The following ADAMTS16 variants were observed in gnomAD, a reference collection of about 807,000 sequenced individuals.
The protein encoded by ADAMTS16 is ADAM metallopeptidase with thrombospondin type 1 motif 16.
In ADAMTS16, 94 loss-of-function variants were observed where a neutral mutation model predicts 145.8. The observed-to-expected ratio is 0.64, with a 90% CI of 0.55 to 0.77. The LOEUF is 0.77. Ranked by LOEUF, ADAMTS16 falls within the 30% of genes least tolerant of loss-of-function variation. The pLI, the probability that ADAMTS16 is intolerant of heterozygous loss-of-function variation, is 0.00. For synonymous variants in ADAMTS16, 659 were observed against 604.3 expected, an observed-to-expected ratio of 1.09 and a Z score of -1.33; for missense variants, 1,585 against 1,591.5, an observed-to-expected ratio of 1.00 and a Z score of 0.07.
chr5:5,182,448 C>T, intron 4 of ADAMTS16, 143 bp downstream of exon 4: 1 of 1,065,784 alleles, frequency 9.4e-7, no homozygotes, highest in South Asian at 1.7e-5. Flanking sequence ...GCAATGATTC[C>T]AGAGAGAGTC....
intron 18 of ADAMTS16, among the ~76,000 whole-genome samples, chr5:5,293,117 G>T (rs999776570): frequency 5.3e-5 from 8 of 152,236 alleles, no homozygotes; most frequent in Non-Finnish European, 8.8e-5. Flanking sequence ...CCTGGGTGCA[G>T]GTGTCAGGAA....
chr5:5,159,317 G>C (rs759822828), intron 3 of ADAMTS16, among the ~76,000 whole-genome samples: 4 of 152,212 alleles, frequency 2.6e-5, no homozygotes. Context: ...GACAGGTCTT[G>C]ATCAAGTGTG....
At chr5:5,206,512 C>T (rs949950461) in intron 9 of ADAMTS16, among the ~76,000 whole-genome samples, 4 of 148,952 alleles carry the variant, frequency 2.7e-5, no homozygotes, top group Non-Finnish European at 5.9e-5. Context: ...TGGAGTCTCA[C>T]TCTGTTACCC....
chr5:5,193,007 A>T (rs1735705319), intron 8 of ADAMTS16, among the ~76,000 whole-genome samples: 1 of 152,054 alleles, frequency 6.6e-6, no homozygotes, highest in South Asian at 2.1e-4. Flanking sequence ...ATAAGTTTTT[A>T]TTTTTTTTAA....
chr5:5,293,556 C>G (rs1739412641), intron 18 of ADAMTS16, among the ~76,000 whole-genome samples: 1 of 152,182 alleles, frequency 6.6e-6, no homozygotes, highest in South Asian at 2.1e-4. Flanking sequence ...GCGGGCAGGT[C>G]TGTCCTGGAG....
At chr5:5,234,888 A>AAAAAAAAAAAAAAAAG (rs33928110) in intron 12 of ADAMTS16, 126 bp from the exon 13 acceptor site, 1 of 352,982 alleles carries the variant, frequency 2.8e-6, no homozygotes. Flanking sequence ...AAAAAAAAAA[A>AAAAAAAAAAAAAAAAG]GAATCCACTT....
intron 11 of ADAMTS16, among the ~76,000 whole-genome samples, chr5:5,224,522 C>G (rs935148110): frequency 6.6e-6 from 1 of 152,162 alleles, no homozygotes; most frequent in Non-Finnish European, 1.5e-5. Flanking sequence ...ACCCCTTGAC[C>G]TCGTGATCCA....
chr5:5,168,649 T>TA (rs1168762421), intron 3 of ADAMTS16, among the ~76,000 whole-genome samples: 1 of 103,026 alleles, frequency 9.7e-6, no homozygotes, highest in East Asian at 2.1e-4. Flanking sequence ...TATAATTATA[T>TA]TTATATATTA....
chr5:5,157,874 C>G (rs1272384699), intron 3 of ADAMTS16, among the ~76,000 whole-genome samples: 1 of 152,118 alleles, frequency 6.6e-6, no homozygotes, highest in East Asian at 1.9e-4. Context: ...CAAGTTGTGC[C>G]CTGTGGAACT....
chr5:5,267,072 C>A (rs899702743), intron 18 of ADAMTS16, among the ~76,000 whole-genome samples: 2 of 152,178 alleles, frequency 1.3e-5, no homozygotes, highest in Non-Finnish European at 2.9e-5. Context: ...ACTGGAGGAG[C>A]TCCCTTTTCC....
At chr5:5,231,629 C>T (rs1736926997) in intron 11 of ADAMTS16, among the ~76,000 whole-genome samples, 1 of 152,156 alleles carries the variant, frequency 6.6e-6, no homozygotes, top group African/African-American at 2.4e-5. Context: ...GAAGTTCATA[C>T]CAAACCACCC....
At chr5:5,204,069 C>A (rs1736025970) in intron 9 of ADAMTS16, among the ~76,000 whole-genome samples, 1 of 152,150 alleles carries the variant, frequency 6.6e-6, no homozygotes, top group South Asian at 2.1e-4. Context: ...AGAGGGCAGG[C>A]ACTTTCCTGC....
chr5:5,162,465 T>C (rs181460275), intron 3 of ADAMTS16, among the ~76,000 whole-genome samples: 550 of 152,290 alleles, frequency 3.6e-3, no homozygotes, highest in South Asian at 7.3e-3. Flanking sequence ...CCAGGAACAT[T>C]CCCATGAGCA....
At position 5,140,774 on chromosome 5, in the gene ADAMTS16, C is replaced by G. The variant is rs564243924; in HGVS notation, c.175+8C>G. On this transcript the variant is annotated splice_region_variant and intron_variant, in intron 2 of 22. Coordinates refer to ENST00000274181, the MANE Select transcript of ADAMTS16 (RefSeq NM_139056.4). Reference sequence around the variant, plus strand: ...GCTGGATGGAAAAGGGCGGTAAGTCCGTGAGGTGGGGGCTTCTAATCCTTG... The same window carrying G: ...GCTGGATGGAAAAGGGCGGTAAGTCGGTGAGGTGGGGGCTTCTAATCCTTG... 12 of 1,551,696 alleles carry G rather than the reference C, an allele frequency of 7.7e-6. No homozygotes were observed. In the South Asian group the frequency reaches 1.2e-4, roughly 15 times the overall value.
rs1353363032 is a variant in ADAMTS16 at position 5,248,340 on chromosome 5, G to A, written c.2662+6149G>A. On this transcript the variant is annotated intron_variant, in intron 17 of 22. Coordinates refer to ENST00000274181, the MANE Select transcript of ADAMTS16 (RefSeq NM_139056.4). ...AGCGGTTTCCAAAGACCTGGCCAGA[G>A]TTGGTTTCTGAAAAAAGATGAAAGC... 3.3e-5 allele frequency among the ~76,000 whole-genome samples: 5 copies of A among 152,202 alleles called. No homozygotes were observed. In the East Asian group the frequency reaches 9.6e-4, roughly 29 times the overall value.
At chr5:5,241,565 A>G (rs1737292998) in intron 16 of ADAMTS16, among the ~76,000 whole-genome samples, 1 of 152,188 alleles carries the variant, frequency 6.6e-6, no homozygotes, top group Non-Finnish European at 1.5e-5. Flanking sequence ...AAGCATGACG[A>G]TGCTTTGTAG....
chr5:5,303,844 T>C (rs1186683910), intron 20 of ADAMTS16, 78 bp downstream of exon 20: 1 of 1,480,056 alleles, frequency 6.8e-7, no homozygotes, highest in Non-Finnish European at 9.2e-7. Context: ...GGTTTTTCTC[T>C]TCTCACTTCT....
chr5:5,284,061 T>C (rs1739026605), intron 18 of ADAMTS16, among the ~76,000 whole-genome samples: 1 of 152,252 alleles, frequency 6.6e-6, no homozygotes, highest in African/African-American at 2.4e-5. Context: ...ACTTTTCTTT[T>C]ATAGCTTTTG....
In ADAMTS16 at chr5:5,146,461, T is replaced by A; in HGVS notation, c.501+6T>A. 6.3e-7 allele frequency: 1 copy of A among 1,597,726 alleles called. No individual in the cohort carries two copies. The highest frequency in any genetic ancestry group is 8.5e-7 in the Non-Finnish European group (1 of 1,174,942). On this transcript the variant is annotated splice_donor_region_variant and intron_variant, in intron 3 of 22. Coordinates refer to ENST00000274181, the MANE Select transcript of ADAMTS16 (RefSeq NM_139056.4). ...TTTCAACCTGCCAAGGCTTGGTGAG[T>A]ACAGCGCAAGCCCCAGGTAGGGAGG...
Sources: gnomAD v4.1 joint callset for allele counts (sites outside exome capture counted in the v4.1 genomes callset) on GRCh38, gnomAD v4.1.1 for gene constraint, MANE v1.5 for transcripts, NCBI Gene and HGNC (gene_info 2026-07-23, HGNC 2026-07-21) for gene names.